Variants in PEX26 observed in about 807,000 individuals in gnomAD.
PEX26 encodes peroxisome assembly protein 26.
PEX26 carries 18 observed loss-of-function variants against 31.4 expected under a neutral mutation model. The ratio of observed to expected loss-of-function variants is 0.57; its 90% CI spans 0.40 to 0.85. The LOEUF is 0.85. Ranked by LOEUF, PEX26 falls within the 40% of genes least tolerant of loss-of-function variation. The pLI is 0.00. For missense variants in PEX26, 377 were observed against 383.9 expected (o/e 0.98, Z 0.15); for synonymous variants, 176 against 166.9 (o/e 1.05, Z -0.42).
Position 18,091,050 on chromosome 22 carries a change from G to GT in PEX26, c.*2984dup, listed in dbSNP as rs138685020. The GT allele has an allele frequency of 0.011, 1,594 of 151,722 alleles. 32 individuals carry two copies. Among genetic ancestry groups the GT allele is most frequent in the African/African-American group, 0.037 (1,510 of 41,358 alleles). The allele number at this position is 151,722 out of a possible 1,614,324, so 9.4% of individuals were successfully genotyped here. Reference sequence around the variant, plus strand: ...AAGGGTATTCTTGGAAAAGAAAGTTGTTTTTTTTTAGTCTTGCTGTGTTGC... The same window carrying GT: ...AAGGGTATTCTTGGAAAAGAAAGTTGTTTTTTTTTTAGTCTTGCTGTGTTGC... On this transcript the variant is annotated 3_prime_UTR_variant, in exon 5 of 5. Coordinates refer to ENST00000399744, the MANE Select transcript of PEX26 (RefSeq NM_001127649.3).
Position 18,092,959 on chromosome 22 carries a change from A to T in PEX26, c.*4884A>T, listed in dbSNP as rs1927161752. The T allele has an allele frequency of 6.6e-6, 1 of 152,124 alleles. No homozygotes were observed. Among genetic ancestry groups the T allele is most frequent in the South Asian group, 2.1e-4 (1 of 4,832 alleles). 9.4% of individuals were successfully genotyped at this position (152,124 alleles called of 1,614,324 possible). ...ATGTCCCAAAAAGAGAAAAAAATAA[A>T]CGGGACAATGCCAACATGCTCAACA... is the stretch of plus-strand genomic sequence containing the variant. On this transcript the variant is annotated 3_prime_UTR_variant, in exon 5 of 5. Transcript: ENST00000399744.
chr22:18,098,467 A>G lies in PEX26; in HGVS notation c.*10392A>G, dbSNP rs935485380. 4 of 151,852 alleles carry G rather than the reference A, an allele frequency of 2.6e-5. No individual in the cohort carries two copies. The highest frequency in any genetic ancestry group is 5.9e-5 in the Non-Finnish European group (4 of 67,968). 9.4% of individuals were successfully genotyped at this position (151,852 alleles called of 1,614,324 possible). A position where few individuals can be genotyped will look rare whatever the true frequency, so the allele number is the denominator to read the frequency against. On this transcript the variant is annotated 3_prime_UTR_variant, in exon 5 of 5. Coordinates refer to ENST00000399744, the MANE Select transcript of PEX26 (RefSeq NM_001127649.3). ...AACATGATGAAACCCCACCTCTACT[A>G]AAAATACAAAAATTAGCTGGGTGTG...
rs1027605977 is a variant in PEX26 at position 18,104,129 on chromosome 22, A to G, written c.*16054A>G. ...AAAATGCCCAGAAAGGGGAACAGTT[A>G]ATCATCTACACAATACCAAGAGCAG... On this transcript the variant is annotated 3_prime_UTR_variant, in exon 5 of 5. Coordinates refer to ENST00000399744, the MANE Select transcript of PEX26 (RefSeq NM_001127649.3). 1.3e-4 allele frequency: 20 copies of G among 152,082 alleles called. No homozygotes were observed. The highest frequency in any genetic ancestry group is 4.8e-4 in the African/African-American group (20 of 41,384). The allele number at this position is 152,082 out of a possible 1,614,324, so 9.4% of individuals were successfully genotyped here. A position where few individuals can be genotyped will look rare whatever the true frequency, so the allele number is the denominator to read the frequency against.
chr22:18,088,457 G>A lies in PEX26; in HGVS notation c.*382G>A. 2.7e-6 allele frequency: 1 copy of A among 363,730 alleles called. No homozygotes were observed. Among genetic ancestry groups the A allele is most frequent in the South Asian group, 2.2e-5 (1 of 44,976 alleles). 22.5% of individuals were successfully genotyped at this position (363,730 alleles called of 1,614,324 possible). A position where few individuals can be genotyped will look rare whatever the true frequency, so the allele number is the denominator to read the frequency against. On this transcript the variant is annotated 3_prime_UTR_variant, in exon 5 of 5. Coordinates refer to ENST00000399744, the MANE Select transcript of PEX26 (RefSeq NM_001127649.3). The surrounding 1 kb of genome is among the most constrained non-coding windows in gnomAD (Gnocchi z 4.1). ...GGAAGTTCAGAAAAAGCCTGGTGAA[G>A]TGACCCTTGGCCTTTCACTTCTTGA...
rs1927073181 is a variant in PEX26 at position 18,090,933 on chromosome 22, T to C, written c.*2858T>C. 1 of 152,266 alleles carries C rather than the reference T, an allele frequency of 6.6e-6. No individual in the cohort carries two copies. Among genetic ancestry groups the C allele is most frequent in the South Asian group, 2.1e-4 (1 of 4,834 alleles). The allele number at this position is 152,266 out of a possible 1,614,324, so 9.4% of individuals were successfully genotyped here. A position where few individuals can be genotyped will look rare whatever the true frequency, so the allele number is the denominator to read the frequency against. ...GATGAGGAAATAGTTCATAGCTTCGTGCAGGTGATCCCTATTCTGCGTGTA... is the reference window on the plus strand; with the variant it reads ...GATGAGGAAATAGTTCATAGCTTCGCGCAGGTGATCCCTATTCTGCGTGTA... On this transcript the variant is annotated 3_prime_UTR_variant, in exon 5 of 5. Coordinates refer to ENST00000399744, the MANE Select transcript of PEX26 (RefSeq NM_001127649.3).
At chr22:18,083,815 C>A in intron 3 of PEX26, 83 bp downstream of exon 3, 2 of 1,297,986 alleles carry the variant, frequency 1.5e-6, no homozygotes, top group Non-Finnish European at 2.2e-6. Context: ...GAAACTCCTG[C>A]GAGCTTAGAA....
rs920476188 is a variant in PEX26, at chr22:18,092,041, G to A, written c.*3966G>A. The A allele has an allele frequency of 6.6e-6, 1 of 152,284 alleles. No individual in the cohort carries two copies. The highest frequency in any genetic ancestry group is 1.5e-5 in the Non-Finnish European group (1 of 68,094). 9.4% of individuals were successfully genotyped at this position (152,284 alleles called of 1,614,324 possible). On this transcript the variant is annotated 3_prime_UTR_variant, in exon 5 of 5. Transcript: ENST00000399744. ...AAGCGAAAGTGATGACATGAACCGC[G>A]AGTAGGGCACCTCCCTGTGCCGTCG...
intron 2 of PEX26, among the ~76,000 whole-genome samples, chr22:18,083,019 GT>G (rs1926680653): frequency 6.6e-6 from 1 of 152,156 alleles, no homozygotes; most frequent in Non-Finnish European, 1.5e-5. Context: ...TAGAAACGCT[GT>G]TTTTTGTACA....
chr22:18,083,800 G>A, intron 3 of PEX26, 68 bp downstream of exon 3: 1 of 1,439,416 alleles, frequency 6.9e-7, no homozygotes, highest in South Asian at 1.2e-5. Flanking sequence ...CTCGGGGTCT[G>A]TCGTGAAACT....
intron 4 of PEX26, among the ~76,000 whole-genome samples, chr22:18,086,759 A>G (rs1477067357): frequency 1.3e-5 from 2 of 151,988 alleles, no homozygotes; most frequent in Non-Finnish European, 2.9e-5. Context: ...GAAATCAGAA[A>G]CCCTTATACT....
chr22:18,081,245 TACACACACAC>T (rs59081749), intron 2 of PEX26, among the ~76,000 whole-genome samples: 9 of 138,124 alleles, frequency 6.5e-5, no homozygotes, highest in South Asian at 2.3e-4. Context: ...TGTACACATA[TACACACACAC>T]ACACACACAC....
intron 1 of PEX26, chr22:18,079,182 A>G (rs778326235): frequency 6.5e-5 from 64 of 984,604 alleles, no homozygotes; most frequent in Non-Finnish European, 7.6e-5. Flanking sequence ...CAAAAAGAAG[A>G]AAAAGAAAAG....
chr22:18,091,036 T>C lies in PEX26; in HGVS notation c.*2961T>C, dbSNP rs146420068. ...TCAAAAGTTACAAAAAGGGTATTCT[T>C]GGAAAAGAAAGTTGTTTTTTTTTAG... is the stretch of plus-strand genomic sequence containing the variant. On this transcript the variant is annotated 3_prime_UTR_variant, in exon 5 of 5. Transcript: ENST00000399744. 6.6e-6 allele frequency: 1 copy of C among 152,220 alleles called. No individual in the cohort carries two copies. The highest frequency in any genetic ancestry group is 2.4e-5 in the African/African-American group (1 of 41,420). The allele number at this position is 152,220 out of a possible 1,614,324, so 9.4% of individuals were successfully genotyped here.
rs1324568835 is a variant in PEX26 at position 18,098,743 on chromosome 22, CAT to C, written c.*10669_*10670del. 9.9e-4 allele frequency: 140 copies of C among 141,830 alleles called. 1 individual carries two copies. Among genetic ancestry groups the C allele is most frequent in the African/African-American group, 2.9e-3 (114 of 38,990 alleles). 8.8% of individuals were successfully genotyped at this position (141,830 alleles called of 1,614,324 possible). On this transcript the variant is annotated 3_prime_UTR_variant, in exon 5 of 5. Coordinates refer to ENST00000399744, the MANE Select transcript of PEX26 (RefSeq NM_001127649.3). ...ACTTTGAAAAGTATTAAGTAATACA[CAT>C]GTGTATGTGTGCGTGTGTAGACATA...
intron 3 of PEX26, among the ~76,000 whole-genome samples, chr22:18,084,745 G>A (rs1337084999): frequency 6.8e-6 from 1 of 146,280 alleles, no homozygotes; most frequent in African/African-American, 2.5e-5. Flanking sequence ...TTTTTGAGAC[G>A]GAGTTTTGCT....
intron 4 of PEX26, 129 bp downstream of exon 4, chr22:18,085,387 C>A: frequency 2.1e-6 from 2 of 974,990 alleles, no homozygotes; most frequent in Admixed American, 1.9e-5. Flanking sequence ...TCCCCTGAGT[C>A]TGTTCCACAA....
At position 18,094,216 on chromosome 22, in the gene PEX26, A is replaced by G. The variant is rs1927219668; in HGVS notation, c.*6141A>G. 1 of 27,252 alleles carries G rather than the reference A, an allele frequency of 3.7e-5. No homozygotes were observed. The highest frequency in any genetic ancestry group is 6.1e-5 in the Non-Finnish European group (1 of 16,376). The allele number at this position is 27,252 out of a possible 1,614,324, so 1.7% of individuals were successfully genotyped here. ...GTAGAAGAGTGTCATTTCAGAAAAA[A>G]GCCTTTTTTTTTTGAGATGGAGTCT... On this transcript the variant is annotated 3_prime_UTR_variant, in exon 5 of 5. Coordinates refer to ENST00000399744, the MANE Select transcript of PEX26 (RefSeq NM_001127649.3).
chr22:18,079,782 T>C (rs1472230775), intron 1 of PEX26, 92 bp from the exon 2 acceptor site: 13 of 1,409,948 alleles, frequency 9.2e-6, no homozygotes, highest in Non-Finnish European at 1.3e-5. Flanking sequence ...GGCTGCTGAG[T>C]TGGGAGCTGG....
In PEX26 at chr22:18,103,957, T is replaced by G. The variant is rs936024443; in HGVS notation, c.*15882T>G. On this transcript the variant is annotated 3_prime_UTR_variant, in exon 5 of 5. Coordinates refer to ENST00000399744, the MANE Select transcript of PEX26 (RefSeq NM_001127649.3). ...GTTTTTGAAAGTGGATCTACAACATTGATAGAGATCAGTTTTTCTGCTCTT... is the reference window on the plus strand; with the variant it reads ...GTTTTTGAAAGTGGATCTACAACATGGATAGAGATCAGTTTTTCTGCTCTT... The G allele has an allele frequency of 6.6e-6, 1 of 152,202 alleles. No individual in the cohort carries two copies. Among genetic ancestry groups the G allele is most frequent in the Non-Finnish European group, 1.5e-5 (1 of 68,054 alleles). 9.4% of individuals were successfully genotyped at this position (152,202 alleles called of 1,614,324 possible). A position where few individuals can be genotyped will look rare whatever the true frequency, so the allele number is the denominator to read the frequency against.
Sources: allele counts gnomAD v4.1 joint callset (sites outside exome capture counted in the v4.1 genomes callset), GRCh38; gene constraint gnomAD v4.1.1; non-coding constraint Gnocchi (gnomAD v3.1); transcripts MANE v1.5; gene names NCBI Gene and HGNC (gene_info 2026-07-23, HGNC 2026-07-21).